The following UGT1A9 variants were observed in gnomAD, a reference collection of about 807,000 sequenced individuals.
UGT1A9 encodes UDP glucuronosyltransferase family 1 member A9.
In UGT1A9, 35 loss-of-function variants were observed where a neutral mutation model predicts 45.0. The observed-to-expected ratio is 0.78, with a 90% CI of 0.59 to 1.03. UGT1A9 has a LOEUF of 1.03. Among genes scored for constraint, UGT1A9 ranks in the 50% least tolerant of loss-of-function variants. UGT1A9 has a pLI of 0.00. For missense variants in UGT1A9, 687 were observed against 666.6 expected (o/e 1.03, Z -0.34); for synonymous variants, 278 against 250.6 (o/e 1.11, Z -1.03).
intron 1 of UGT1A9, chr2:233,692,770 A>T (rs1187412546): frequency 7.8e-7 from 1 of 1,276,410 alleles, no homozygotes; most frequent in African/African-American, 1.5e-5. Context: ...GAAGAGAAAC[A>T]CCCAGAAGCT....
chr2:233,757,203 C>G (rs1377755692), intron 1 of UGT1A9, among the ~76,000 whole-genome samples: 1 of 149,926 alleles, frequency 6.7e-6, no homozygotes, highest in Non-Finnish European at 1.5e-5. Context: ...TTTTCTGTGC[C>G]CAGGAAGCTG....
At chr2:233,731,438 C>G (rs1329766124) in intron 1 of UGT1A9, among the ~76,000 whole-genome samples, 1 of 152,078 alleles carries the variant, frequency 6.6e-6, no homozygotes, top group African/African-American at 2.4e-5. Context: ...CTCCCCCAGT[C>G]CCCCACCCCA....
chr2:233,762,781 ATCTAC>A (rs1211615114), intron 1 of UGT1A9, among the ~76,000 whole-genome samples: 2 of 150,458 alleles, frequency 1.3e-5, no homozygotes, highest in African/African-American at 4.9e-5. Flanking sequence ...CTAGCTGATT[ATCTAC>A]TCATTACTCA....
chr2:233,760,639 A>G, intron 1 of UGT1A9: 1 of 1,614,156 alleles, frequency 6.2e-7, no homozygotes, highest in African/African-American at 1.3e-5. Context: ...GAAAATAAAA[A>G]AGGACTCTGC....
intron 1 of UGT1A9, chr2:233,747,287 G>A: frequency 6.2e-7 from 1 of 1,601,492 alleles, no homozygotes; most frequent in Admixed American, 1.7e-5. Context: ...GCCCAGCCCT[G>A]GGCTGAGAGT....
chr2:233,744,004 C>A, intron 1 of UGT1A9: 1 of 1,163,748 alleles, frequency 8.6e-7, no homozygotes, highest in Non-Finnish European at 1.1e-6. Context: ...TGCTCGGAGA[C>A]CTGGGCCGCC....
chr2:233,713,830 A>C (rs1248419431), intron 1 of UGT1A9: 8 of 1,613,954 alleles, frequency 5.0e-6, no homozygotes, highest in Non-Finnish European at 6.8e-6. Context: ...GGGGGCATCA[A>C]CTGTGCCAAC....
chr2:233,713,035 G>T, intron 1 of UGT1A9: 1 of 1,613,988 alleles, frequency 6.2e-7, no homozygotes, highest in Non-Finnish European at 8.5e-7. Context: ...CTGGCCACAG[G>T]ACTGCTGCTT....
intron 1 of UGT1A9, among the ~76,000 whole-genome samples, chr2:233,726,140 C>T (rs529901709): frequency 3.9e-5 from 6 of 152,258 alleles, no homozygotes; most frequent in Non-Finnish European, 7.4e-5. Flanking sequence ...CACTCCAGCC[C>T]GAGTGACAGA....
intron 1 of UGT1A9, among the ~76,000 whole-genome samples, chr2:233,701,032 C>T (rs559298566): frequency 1.3e-5 from 2 of 152,236 alleles, no homozygotes; most frequent in East Asian, 3.9e-4. Context: ...ATCCATGTCC[C>T]TACAAAGGAC....
At chr2:233,693,942 C>A (rs2075190046) in intron 1 of UGT1A9, 10 of 1,601,216 alleles carry the variant, frequency 6.2e-6, no homozygotes, top group Non-Finnish European at 8.5e-6. Context: ...GCTCCTTGAG[C>A]CGACTGTCCC....
At chr2:233,729,358 A>G in intron 1 of UGT1A9, 1 of 1,614,176 alleles carries the variant, frequency 6.2e-7, no homozygotes, top group Admixed American at 1.7e-5. Flanking sequence ...TTTCACCCTG[A>G]CAACCTATGC....
intron 1 of UGT1A9, chr2:233,761,175 A>G (rs1340390077): frequency 1.2e-6 from 2 of 1,614,094 alleles, no homozygotes; most frequent in African/African-American, 2.7e-5. Flanking sequence ...TGGGACTTTT[A>G]CATGCGTATA....
intron 1 of UGT1A9, chr2:233,690,562 G>A (rs1458201695): frequency 7.8e-7 from 1 of 1,289,358 alleles, no homozygotes; most frequent in Non-Finnish European, 1.0e-6. Flanking sequence ...CCAAGCCTGA[G>A]TCATTCAGCC....
At chr2:233,729,397 C>T (rs762751427) in intron 1 of UGT1A9, 64 of 1,613,538 alleles carry the variant, frequency 4.0e-5, no homozygotes, top group Non-Finnish European at 4.6e-5. Flanking sequence ...TGAATTTGAT[C>T]GCCATGTGCT....
chr2:233,743,205 G>A (rs1013981609), intron 1 of UGT1A9: 19 of 391,306 alleles, frequency 4.9e-5, no homozygotes, highest in South Asian at 9.4e-5. Flanking sequence ...GTGTCAATGC[G>A]GAGTAACTGC....
In UGT1A9 at chr2:233,677,063, G is replaced by A. The variant is rs28970012; in HGVS notation, c.855+4274G>A. On this transcript the variant is annotated intron_variant, in intron 1 of 4. Coordinates refer to ENST00000354728, the MANE Select transcript of UGT1A9 (RefSeq NM_021027.3). The stretch of plus-strand genomic sequence containing the variant: ...CATTACCATATGCATTTTAAAATAA[G>A]TTCATTAATGTGTGCAAAAATCCTG... Among the ~76,000 whole-genome samples, 1,487 of 151,802 alleles carry A rather than the reference G, an allele frequency of 9.8e-3. 36 individuals carry two copies. The highest frequency in any genetic ancestry group is 0.034 in the African/African-American group (1,392 of 41,392).
intron 1 of UGT1A9, chr2:233,721,828 C>G (rs866134319): frequency 3.9e-6 from 2 of 516,354 alleles, no homozygotes; most frequent in Middle Eastern, 7.8e-4. Flanking sequence ...CTATTTGGGC[C>G]ACCGACCTTG....
At chr2:233,754,470 A>G in intron 1 of UGT1A9, 2 of 357,144 alleles carry the variant, frequency 5.6e-6, no homozygotes, top group South Asian at 2.2e-5. Context: ...TTCTGAAAGT[A>G]AAGTTCACTT....
Sources: gnomAD v4.1 joint callset for allele counts (sites outside exome capture counted in the v4.1 genomes callset) on GRCh38, gnomAD v4.1.1 for gene constraint, MANE v1.5 for transcripts, NCBI Gene and HGNC (gene_info 2026-07-23, HGNC 2026-07-21) for gene names.